Variants in PTPN13 observed in about 807,000 individuals in gnomAD.
PTPN13 encodes the protein protein tyrosine phosphatase non-receptor type 13, also known as tyrosine-protein phosphatase non-receptor type 13.
PTPN13 carries 191 observed loss-of-function variants against 284.0 expected under a neutral mutation model. That is an observed-to-expected ratio of 0.67 (90% CI 0.60 to 0.76). PTPN13 has a LOEUF of 0.76. Among genes scored for constraint, PTPN13 ranks in the 30% least tolerant of loss-of-function variants. The probability of loss-of-function intolerance (pLI) is 0.00; values close to 1 mark genes in which losing one functional copy is unlikely to be tolerated. For synonymous variants in PTPN13, 986 were observed against 1,022.3 expected (o/e 0.96, Z 0.68); for missense variants, 2,797 against 2,939.9 (o/e 0.95, Z 1.12).
chr4:86,639,992 A>G (rs948556400), intron 2 of PTPN13, among the ~76,000 whole-genome samples: 3 of 152,204 alleles, frequency 2.0e-5, no homozygotes, highest in African/African-American at 7.2e-5. Flanking sequence ...ACCAGGAGCC[A>G]TGGGAACCTT....
intron 39 of PTPN13, 28 bp from the exon 40 acceptor site, chr4:86,785,820 C>A (rs1741827488): frequency 7.2e-7 from 1 of 1,389,528 alleles, no homozygotes; most frequent in South Asian, 1.4e-5. Context: ...TTTATAAATT[C>A]CTCTTGGCCT....
At chr4:86,752,346 T>C (rs1737493088) in intron 19 of PTPN13, among the ~76,000 whole-genome samples, 1 of 152,128 alleles carries the variant, frequency 6.6e-6, no homozygotes, top group Non-Finnish European at 1.5e-5. Context: ...ACATAAATAT[T>C]TATGGAAGCA....
At chr4:86,764,770 C>T (rs762814747) in intron 25 of PTPN13, 46 bp downstream of exon 25, 31 of 1,566,166 alleles carry the variant, frequency 2.0e-5, no homozygotes, top group Non-Finnish European at 2.1e-5. Flanking sequence ...CTTTAATTTC[C>T]AGCAGCCTAT....
chr4:86,805,454 C>A, intron 44 of PTPN13, 85 bp downstream of exon 44: 1 of 646,360 alleles, frequency 1.5e-6, no homozygotes, highest in Non-Finnish European at 2.5e-6. Flanking sequence ...CTTACCTATC[C>A]CTCACATAAC....
intron 2 of PTPN13, among the ~76,000 whole-genome samples, chr4:86,647,116 A>G (rs976458613): frequency 3.3e-5 from 5 of 152,210 alleles, no homozygotes; most frequent in South Asian, 2.1e-4. Flanking sequence ...GGAAACTTTT[A>G]GAGGTGATGG....
chr4:86,803,196 G>GTA (rs933021815), intron 42 of PTPN13, among the ~76,000 whole-genome samples: 5 of 149,754 alleles, frequency 3.3e-5, no homozygotes, highest in East Asian at 1.9e-4. Context: ...TATTTATTGT[G>GTA]TATATATATA....
chr4:86,681,764 C>G (rs1728916608), intron 3 of PTPN13, among the ~76,000 whole-genome samples: 1 of 152,042 alleles, frequency 6.6e-6, no homozygotes, highest in Non-Finnish European at 1.5e-5. Context: ...CCCGTCTCTA[C>G]TAAAAATAGA....
In PTPN13 at chr4:86,716,631, A is replaced by G. The variant is rs201435400; in HGVS notation, c.1291+6A>G. 304 of 1,539,242 alleles carry G rather than the reference A, an allele frequency of 2.0e-4. No homozygotes were observed. The highest frequency in any genetic ancestry group is 1.9e-3 in the Middle Eastern group (11 of 5,936). On this transcript the variant is annotated splice_donor_region_variant and intron_variant, in intron 8 of 47. Coordinates refer to ENST00000411767, the MANE Select transcript of PTPN13 (RefSeq NM_080683.3). ...TGAATCAGATTTCAGACAAGGTAGG[A>G]GGCATCTGAAACAAGCAAACTGTTT...
intron 40 of PTPN13, among the ~76,000 whole-genome samples, chr4:86,789,133 A>T (rs772217499): frequency 6.6e-6 from 1 of 152,232 alleles, no homozygotes; most frequent in African/African-American, 2.4e-5. Context: ...TGAAAGCTAA[A>T]CCTAAAAAGA....
intron 1 of PTPN13, among the ~76,000 whole-genome samples, chr4:86,622,471 T>A (rs1015181272): frequency 6.6e-6 from 1 of 152,148 alleles, no homozygotes; most frequent in Non-Finnish European, 1.5e-5. Flanking sequence ...ACTTCATTTG[T>A]TTCTAATGAT....
In PTPN13 at chr4:86,761,139, AATATATATAT is replaced by A. The variant is rs6148556; in HGVS notation, c.3554-1566_3554-1557del. Among the ~76,000 whole-genome samples the A allele has an allele frequency of 5.8e-3, 694 of 120,662 alleles. 4 individuals are homozygous for A. Among genetic ancestry groups the A allele is most frequent in the Admixed American group, 8.8e-3 (101 of 11,470 alleles). 79.2% of individuals were successfully genotyped at this position (120,662 alleles called of 152,430 possible). A position where few individuals can be genotyped will look rare whatever the true frequency, so the allele number is the denominator to read the frequency against. Reference sequence around the variant, plus strand: ...TATATGTGATGTGTGTGTGTGTGTAAATATATATATATATATATATATATATATATAAACA... The same window carrying A: ...TATATGTGATGTGTGTGTGTGTGTAAATATATATATATATATATATAAACA... On this transcript the variant is annotated intron_variant, in intron 23 of 47. Coordinates refer to ENST00000411767, the MANE Select transcript of PTPN13 (RefSeq NM_080683.3).
intron 43 of PTPN13, among the ~76,000 whole-genome samples, chr4:86,804,897 A>G (rs575126232): frequency 6.6e-6 from 1 of 152,216 alleles, no homozygotes; most frequent in Non-Finnish European, 1.5e-5. Context: ...CACCACTACC[A>G]CATGGAATAT....
In PTPN13 at chr4:86,695,574, C is replaced by T. The variant is rs542827691; in HGVS notation, c.634+1900C>T. On this transcript the variant is annotated intron_variant, in intron 6 of 47. Transcript: ENST00000411767. Reference sequence around the variant, plus strand: ...ATAATCTTTTGGGAGACATAGTGAACATTTTAATAAGTAGAACATTAGATT... The same window carrying T: ...ATAATCTTTTGGGAGACATAGTGAATATTTTAATAAGTAGAACATTAGATT... 5.3e-5 allele frequency among the ~76,000 whole-genome samples: 8 copies of T among 152,078 alleles called. 1 individual carries two copies. The highest frequency in any genetic ancestry group is 7.4e-5 in the Non-Finnish European group (5 of 67,864).
rs1196056345 is a variant in PTPN13, at chr4:86,771,353, C to T, written c.4986C>T (p.Asp1662=). 1 of 1,587,498 alleles carries T rather than the reference C, an allele frequency of 6.3e-7. No homozygotes were observed. Among genetic ancestry groups the T allele is most frequent in the South Asian group, 1.2e-5 (1 of 86,884 alleles). ...YSDSSGSGED[D]LVTAPANISN... ...ACAGCAGTGGGAGTGGAGAAGATGACTTAGTGACAGCTCCAGCAAACATAT... is the reference window on the plus strand; with the variant it reads ...ACAGCAGTGGGAGTGGAGAAGATGATTTAGTGACAGCTCCAGCAAACATAT... Residue 1662 remains aspartate (D), a synonymous_variant, in exon 31 of 48, where the codon GAC becomes GAT. Coordinates refer to ENST00000411767, the MANE Select transcript of PTPN13 (RefSeq NM_080683.3).
rs372242243 is a variant in PTPN13, at chr4:86,693,572, A to G, written c.547-15A>G. On this transcript the variant is annotated splice_polypyrimidine_tract_variant and intron_variant, in intron 5 of 47. Coordinates refer to ENST00000411767, the MANE Select transcript of PTPN13 (RefSeq NM_080683.3). ...ATCCTTTTGTCAAACTTGATTTTTT[A>G]TTACCTGTGTACAGACAGATCAGCT... 158 of 1,466,424 alleles carry G rather than the reference A, an allele frequency of 1.1e-4. No individual in the cohort carries two copies. The highest frequency in any genetic ancestry group is 1.8e-4 in the Middle Eastern group (1 of 5,646). 90.8% of individuals were successfully genotyped at this position (1,466,424 alleles called of 1,614,324 possible).
chr4:86,804,230 C>T (rs1301200510), intron 43 of PTPN13, among the ~76,000 whole-genome samples: 1 of 151,960 alleles, frequency 6.6e-6, no homozygotes, highest in Non-Finnish European at 1.5e-5. Flanking sequence ...TTTAATACAG[C>T]TCCAAGAATG....
intron 1 of PTPN13, among the ~76,000 whole-genome samples, chr4:86,617,165 T>C (rs1485444187): frequency 6.6e-6 from 1 of 152,186 alleles, no homozygotes; most frequent in Non-Finnish European, 1.5e-5. Flanking sequence ...CCTATTTTCA[T>C]AATTTTCTAG....
chr4:86,772,855 C>T lies in PTPN13; in HGVS notation c.5246C>T (p.Ser1749Leu), dbSNP rs724159902. 14 of 1,612,790 alleles carry T rather than the reference C, an allele frequency of 8.7e-6. No individual in the cohort carries two copies. The highest frequency in any genetic ancestry group is 4.4e-5 in the South Asian group (4 of 90,976). ...CAATCAGAATCTGCTTCCTCTAGTTCGATGGATAAGTATCATATACATCAC... is the reference window on the plus strand; with the variant it reads ...CAATCAGAATCTGCTTCCTCTAGTTTGATGGATAAGTATCATATACATCAC... ...QPQSESASSS[S>L]MDKYHIHHIS... The change falls in exon 32 of 48, where the codon TCG (serine) becomes TTG (leucine). Residue 1749 changes from serine (S) to leucine (L), a missense_variant. Coordinates refer to ENST00000411767, the MANE Select transcript of PTPN13 (RefSeq NM_080683.3).
intron 2 of PTPN13, among the ~76,000 whole-genome samples, chr4:86,642,939 G>C (rs1437042974): frequency 6.6e-6 from 1 of 152,110 alleles, no homozygotes; most frequent in African/African-American, 2.4e-5. Context: ...TGCTACCTTG[G>C]AAAACTTAGC....
Sources: gnomAD v4.1 joint callset for allele counts (sites outside exome capture counted in the v4.1 genomes callset) on GRCh38, gnomAD v4.1.1 for gene constraint, MANE v1.5 for transcripts, NCBI Gene and HGNC (gene_info 2026-07-23, HGNC 2026-07-21) for gene names.